ZEB1: variants seen among roughly 807,000 people sequenced by gnomAD.
ZEB1 encodes the protein zinc finger E-box-binding homeobox 1.
In ZEB1, 21 loss-of-function variants were observed where a neutral mutation model predicts 84.9. The ratio of observed to expected loss-of-function variants is 0.25; its 90% confidence interval spans 0.18 to 0.36. The LOEUF is 0.36. Among genes scored for constraint, ZEB1 ranks in the 10% least tolerant of loss-of-function variants. The pLI is 1.00. For synonymous variants in ZEB1, 420 were observed against 471.1 expected (o/e 0.89, Z 1.41); for missense variants, 1,104 against 1,330.2 (o/e 0.83, Z 2.65).
chr10:31,396,191 G>T (rs1564708837), intron 1 of ZEB1, among the ~76,000 whole-genome samples: 1 of 152,096 alleles, frequency 6.6e-6, no homozygotes, highest in Non-Finnish European at 1.5e-5. Flanking sequence ...AGAAACCATT[G>T]AAGTTAATTC....
chr10:31,441,568 A>C (rs1287835388), intron 1 of ZEB1, among the ~76,000 whole-genome samples: 4 of 152,194 alleles, frequency 2.6e-5, no homozygotes, highest in Non-Finnish European at 5.9e-5. Context: ...GGATCTAATT[A>C]AACTAAAGAG....
intron 8 of ZEB1, among the ~76,000 whole-genome samples, chr10:31,525,286 G>A (rs1200719201): frequency 2.0e-4 from 31 of 152,282 alleles, no homozygotes; most frequent in Non-Finnish European, 5.9e-5. Context: ...ACAGAAAATA[G>A]TTGCCAACTC....
rs558328453 is a variant in ZEB1 at position 31,521,383 on chromosome 10, T to C, written c.2051T>C (p.Met684Thr). ...GTAAATCTACAAAGTCCTTTGAAGA[T>C]GACTAACTCCCCAGTTTTACCAGTG... ...STVNLQSPLK[M>T]TNSPVLPVGS... The change falls in exon 7 of 9, where the codon ATG becomes ACG. Residue 684 changes from methionine to threonine, a missense_variant. This residue lies in a region of ZEB1 where 531 missense variants were observed against 575.2 expected (regional missense o/e 0.92). Coordinates refer to ENST00000424869, the MANE Select transcript of ZEB1 (RefSeq NM_001174096.2). 9 of 1,614,096 alleles carry C rather than the reference T, an allele frequency of 5.6e-6. No homozygotes were observed. In the South Asian group the frequency reaches 8.8e-5, roughly 16 times the overall value.
intron 1 of ZEB1, among the ~76,000 whole-genome samples, chr10:31,378,211 C>T (rs577644914): frequency 3.2e-4 from 49 of 151,602 alleles, no homozygotes; most frequent in African/African-American, 1.1e-3. Context: ...CTCACTGAAG[C>T]ACCACTATAT....
chr10:31,411,614 G>T (rs1156279165), intron 1 of ZEB1, among the ~76,000 whole-genome samples: 2 of 148,042 alleles, frequency 1.4e-5, no homozygotes, highest in African/African-American at 5.1e-5. Context: ...AGTCCGGCCT[G>T]GGCGACAGAG....
intron 1 of ZEB1, chr10:31,360,970 G>T: frequency 4.4e-6 from 7 of 1,604,236 alleles, no homozygotes; most frequent in Non-Finnish European, 5.9e-6. Context: ...GACCGCCACG[G>T]AGCAGTGGGT....
chr10:31,382,006 C>CAA (rs535534850), intron 1 of ZEB1, among the ~76,000 whole-genome samples: 592 of 40,680 alleles, frequency 0.015, 33 homozygotes, highest in Non-Finnish European at 0.031. Context: ...GAGACTGTCT[C>CAA]AAAAAAAAAA....
intron 2 of ZEB1, among the ~76,000 whole-genome samples, chr10:31,475,602 A>G (rs572100180): frequency 7.2e-5 from 11 of 152,324 alleles, no homozygotes; most frequent in African/African-American, 2.2e-4. Flanking sequence ...ACATCTCAGC[A>G]GCAACCTTGT....
intron 6 of ZEB1, among the ~76,000 whole-genome samples, chr10:31,516,539 T>TA (rs71027029): frequency 1.2e-4 from 4 of 34,070 alleles, no homozygotes; most frequent in African/African-American, 3.0e-4. Flanking sequence ...TGTCTGTAAG[T>TA]AAAAAAAAAA....
intron 1 of ZEB1, chr10:31,358,570 C>G (rs1391911947): frequency 2.6e-5 from 4 of 152,180 alleles, no homozygotes; most frequent in African/African-American, 7.2e-5. Context: ...TATTTTCTCT[C>G]AGCTCTTCTC....
chr10:31,334,807 A>T (rs1020008472), intron 1 of ZEB1, among the ~76,000 whole-genome samples: 10 of 151,116 alleles, frequency 6.6e-5, no homozygotes, highest in African/African-American at 2.4e-4. Context: ...ACCAATTCCT[A>T]AAAAAAAATG....
At chr10:31,508,408 C>T (rs914975471) in intron 4 of ZEB1, among the ~76,000 whole-genome samples, 4 of 152,090 alleles carry the variant, frequency 2.6e-5, no homozygotes, top group East Asian at 3.9e-4. Context: ...TAGTGATTCA[C>T]GCTGGTGTTG....
At position 31,405,113 on chromosome 10, in the gene ZEB1, T is replaced by G. The variant is rs555677360; in HGVS notation, c.59-55924T>G. Among the ~76,000 whole-genome samples, 51 of 152,328 alleles carry G rather than the reference T, an allele frequency of 3.3e-4. No individual in the cohort carries two copies. In the South Asian group the frequency reaches 0.01, roughly 30 times the overall value. ...CAGAAATTTCTTGTCTTTTTAGTTA[T>G]TAATTCCTTTTCCCAGATTAGCCAA... On this transcript the variant is annotated intron_variant, in intron 1 of 8. Coordinates refer to ENST00000424869, the MANE Select transcript of ZEB1 (RefSeq NM_001174096.2).
rs369994958 is a variant in ZEB1 at position 31,521,129 on chromosome 10, A to G, written c.1797A>G (p.Ala599=). 76 of 1,613,988 alleles carry G rather than the reference A, an allele frequency of 4.7e-5. No individual in the cohort carries two copies. The highest frequency in any genetic ancestry group is 6.1e-5 in the Non-Finnish European group (72 of 1,180,020). Residue 599 remains alanine, a synonymous_variant, in exon 7 of 9, where the codon GCA becomes GCG. Transcript: ENST00000424869. ...PLKNLLSLLK[A]YYALNAQPSA... The stretch of plus-strand genomic sequence containing the variant: ...AGAACCTCTTGTCTCTCCTAAAAGC[A>G]TATTATGCTTTGAATGCACAACCAA...
intron 1 of ZEB1, among the ~76,000 whole-genome samples, chr10:31,385,413 C>CA (rs1469499335): frequency 1.3e-5 from 2 of 152,126 alleles, no homozygotes; most frequent in Non-Finnish European, 2.9e-5. Flanking sequence ...ACTGGCCTTA[C>CA]ATGTTAGATT....
rs1834748054 is a variant in ZEB1 at position 31,529,556 on chromosome 10, A to G, written c.*2292A>G. 1 of 152,212 alleles carries G rather than the reference A, an allele frequency of 6.6e-6. No homozygotes were observed. The highest frequency in any genetic ancestry group is 6.6e-5 in the Admixed American group (1 of 15,262). The allele number at this position is 152,212 out of a possible 1,614,324, so 9.4% of individuals were successfully genotyped here. A position where few individuals can be genotyped will look rare whatever the true frequency, so the allele number is the denominator to read the frequency against. The stretch of plus-strand genomic sequence containing the variant: ...TTTATATTCCTTCCCCACTAGGAAC[A>G]GGAACCACATTTGTCATAGTCACTC... On this transcript the variant is annotated 3_prime_UTR_variant, in exon 9 of 9. Coordinates refer to ENST00000424869, the MANE Select transcript of ZEB1 (RefSeq NM_001174096.2).
At chr10:31,477,766 G>A (rs1035973956) in intron 2 of ZEB1, among the ~76,000 whole-genome samples, 18 of 151,958 alleles carry the variant, frequency 1.2e-4, no homozygotes, top group Non-Finnish European at 1.9e-4. Flanking sequence ...ATGGGGAAAG[G>A]ACATCCTATT....
rs2068533263 is a variant in ZEB1, at chr10:31,503,992, ACT to A, written c.484+1486_484+1487del. On this transcript the variant is annotated intron_variant, in intron 4 of 8. Coordinates refer to ENST00000424869, the MANE Select transcript of ZEB1 (RefSeq NM_001174096.2). ...TCAGATGAGTAATTTGCAGATATTC[ACT>A]CTGTTGTTTCCTTTGCTGAGTCTTA... Among the ~76,000 whole-genome samples, 4 of 138,234 alleles carry A rather than the reference ACT, an allele frequency of 2.9e-5. No individual in the cohort carries two copies. In the South Asian group the frequency reaches 8.3e-4, roughly 29 times the overall value. 90.7% of individuals were successfully genotyped at this position (138,234 alleles called of 152,430 possible).
intron 2 of ZEB1, among the ~76,000 whole-genome samples, chr10:31,464,301 C>T (rs952611678): frequency 5.9e-5 from 9 of 151,468 alleles, no homozygotes; most frequent in African/African-American, 1.9e-4. Context: ...TGCAGTGAGC[C>T]GAGATGATGC....
Sources: allele counts gnomAD v4.1 joint callset (sites outside exome capture counted in the v4.1 genomes callset), GRCh38; gene constraint gnomAD v4.1.1; regional missense constraint gnomAD v4.1.1; transcripts MANE v1.5; gene names NCBI Gene and HGNC (gene_info 2026-07-23, HGNC 2026-07-21).